The following MMP21 variants were observed in gnomAD, a reference collection of about 807,000 sequenced individuals.
MMP21 encodes matrix metalloproteinase-21.
A neutral mutation model predicts 47.8 loss-of-function variants in MMP21; 40 were observed. The ratio of observed to expected loss-of-function variants is 0.84; its 90% CI spans 0.65 to 1.09. The LOEUF (loss-of-function observed/expected upper bound fraction) is 1.09, where lower values mean the gene tolerates loss of function less well. MMP21 is among the 50% of genes least tolerant of loss of function. The pLI is 0.00. For synonymous variants in MMP21, 341 were observed against 318.0 expected (o/e 1.07, Z -0.77); for missense variants, 747 against 775.3 (o/e 0.96, Z 0.43).
Position 125,766,664 on chromosome 10 carries a change from A to G in MMP21, c.1708T>C (p.Ter570GlnextTer1). Residue 570 changes from the stop codon to glutamine (Q), a stop_lost, in exon 7 of 7, where the codon TAA becomes CAA. Coordinates refer to ENST00000368808, the MANE Select transcript of MMP21 (RefSeq NM_147191.1). ...CCTCCATTTCCTACTTTTTCTTATTACATGTTCAGTGTGGAGATATGGACG... is the reference window on the plus strand; with the variant it reads ...CCTCCATTTCCTACTTTTTCTTATTGCATGTTCAGTGTGGAGATATGGACG... ...CDVHISTLNM[*>Q] 1 of 1,590,966 alleles carries G rather than the reference A, an allele frequency of 6.3e-7. No individual in the cohort carries two copies. The highest frequency in any genetic ancestry group is 1.4e-5 in the African/African-American group (1 of 73,692).
At chr10:125,774,784 C>T (rs1850497694) in intron 1 of MMP21, among the ~76,000 whole-genome samples, 5 of 152,080 alleles carry the variant, frequency 3.3e-5, no homozygotes, top group African/African-American at 1.2e-4. Context: ...GCAGGTCGCG[C>T]AGGGCAGGTC....
At position 125,772,459 on chromosome 10, in the gene MMP21, A is replaced by C; in HGVS notation, c.838-100T>G. The C allele has an allele frequency of 6.3e-7, 1 of 1,575,412 alleles. No homozygotes were observed. Among genetic ancestry groups the C allele is most frequent in the Non-Finnish European group, 8.7e-7 (1 of 1,153,336 alleles). On this transcript the variant is annotated intron_variant, in intron 3 of 6. Coordinates refer to ENST00000368808, the MANE Select transcript of MMP21 (RefSeq NM_147191.1). This position sits in a 1 kb window ranked among gnomAD's most constrained non-coding sequence, Gnocchi z 5.6. ...TGCTTCGAGAGGAGCGTTGCTTGTG[A>C]AGAGGGGAGCACCGGTGGAACTGGG...
At position 125,772,043 on chromosome 10, in the gene MMP21, T is replaced by A. The variant is rs1481735997; in HGVS notation, c.979+175A>T. On this transcript the variant is annotated intron_variant, in intron 4 of 6. Transcript: ENST00000368808. This position sits in a 1 kb window ranked among gnomAD's most constrained non-coding sequence, Gnocchi z 5.6. ...GGCTGTCGACTGGGCAAAACCACTTTTTAACTGAGAGAATGGCATCAGGGA... is the reference window on the plus strand; with the variant it reads ...GGCTGTCGACTGGGCAAAACCACTTATTAACTGAGAGAATGGCATCAGGGA... Among the ~76,000 whole-genome samples the A allele has an allele frequency of 6.6e-6, 1 of 152,146 alleles. No individual in the cohort carries two copies. The highest frequency in any genetic ancestry group is 2.4e-5 in the African/African-American group (1 of 41,436).
In MMP21 at chr10:125,774,364, C is replaced by G; in HGVS notation, c.164G>C (p.Arg55Pro). 1 of 1,354,132 alleles carries G rather than the reference C, an allele frequency of 7.4e-7. No homozygotes were observed. The highest frequency in any genetic ancestry group is 9.5e-7 in the Non-Finnish European group (1 of 1,056,602). 83.9% of individuals were successfully genotyped at this position (1,354,132 alleles called of 1,614,324 possible). A position where few individuals can be genotyped will look rare whatever the true frequency, so the allele number is the denominator to read the frequency against. ...KPIADLHAAQ[R>P]FLSRYGWSGV... ...TGACCAGCCGTATCTGGACAGGAAC[C>G]GCTGTGGGAGAGAAAGGCACCCTAA... Residue 55 changes from arginine to proline, a missense_variant and splice_region_variant, in exon 2 of 7, where the codon CGG becomes CCG. Coordinates refer to ENST00000368808, the MANE Select transcript of MMP21 (RefSeq NM_147191.1).
In MMP21 at chr10:125,770,370, A is replaced by T; in HGVS notation, c.1201T>A (p.Trp401Arg). The change falls in exon 5 of 7, where the codon TGG becomes AGG. Residue 401 changes from tryptophan to arginine, a missense_variant. By Grantham distance (101) the Trp-to-Arg change is moderately radical (BLOSUM62 -3). Transcript: ENST00000368808. ...TAACGTTCATCTCTTTTCCATGTCC[A>T]GATGTGAACAAAGGCATCTATGTTG... Reference protein sequence around the residue: ...THNIDAFVHIWTWKRDERYFF... With the variant: ...THNIDAFVHIRTWKRDERYFF... The T allele has an allele frequency of 6.2e-7, 1 of 1,614,200 alleles. No individual in the cohort carries two copies. Among genetic ancestry groups the T allele is most frequent in the South Asian group, 1.1e-5 (1 of 91,082 alleles).
chr10:125,772,557 C>T lies in MMP21; in HGVS notation c.837+54G>A, dbSNP rs954384492. 54 of 1,609,268 alleles carry T rather than the reference C, an allele frequency of 3.4e-5. No homozygotes were observed. Among genetic ancestry groups the T allele is most frequent in the Non-Finnish European group, 4.5e-5 (53 of 1,175,918 alleles). On this transcript the variant is annotated intron_variant, in intron 3 of 6. Transcript: ENST00000368808. The surrounding 1 kb of genome is among the most constrained non-coding windows in gnomAD (Gnocchi z 5.6). ...AGAAAAGCTTGGACTTTTTGGACGTCAGCCCATGAGCACTGCTGGTGTCTT... is the reference window on the plus strand; with the variant it reads ...AGAAAAGCTTGGACTTTTTGGACGTTAGCCCATGAGCACTGCTGGTGTCTT...
In MMP21 at chr10:125,772,754, G is replaced by A. The variant is rs746401744; in HGVS notation, c.698-4C>T. 6.8e-6 allele frequency: 11 copies of A among 1,611,844 alleles called. No individual in the cohort carries two copies. The highest frequency in any genetic ancestry group is 1.1e-5 in the South Asian group (1 of 91,020). ...CGCGGACAGCCCAGGTGCCGGCCTGGCGAGGGGGAGGAGGAGTTGGTCCCG... is the reference window on the plus strand; with the variant it reads ...CGCGGACAGCCCAGGTGCCGGCCTGACGAGGGGGAGGAGGAGTTGGTCCCG... On this transcript the variant is annotated splice_region_variant and splice_polypyrimidine_tract_variant and intron_variant, in intron 2 of 6. Coordinates refer to ENST00000368808, the MANE Select transcript of MMP21 (RefSeq NM_147191.1). This position sits in a 1 kb window ranked among gnomAD's most constrained non-coding sequence, Gnocchi z 5.6.
rs765060433 is a variant in MMP21, at chr10:125,766,870, T to A, written c.1502A>T (p.His501Leu). The change falls in exon 7 of 7, where the codon CAT becomes CTT. Residue 501 changes from histidine to leucine, a missense_variant. Transcript: ENST00000368808. ...AGCGGAATCTATATTTCTGAAAGGA[T>A]GATTTTGTGGTATTACTGCTGGAAA... ...EVFPAVIPQN[H>L]PFRNIDSAYY... 2 of 1,613,672 alleles carry A rather than the reference T, an allele frequency of 1.2e-6. No individual in the cohort carries two copies. Among genetic ancestry groups the A allele is most frequent in the Non-Finnish European group, 1.7e-6 (2 of 1,179,836 alleles).
chr10:125,775,137 C>G (rs933647745), intron 1 of MMP21, among the ~76,000 whole-genome samples: 1 of 152,174 alleles, frequency 6.6e-6, no homozygotes, highest in Non-Finnish European at 1.5e-5. Context: ...TGGGTCCACT[C>G]CCTGCCCGCC....
chr10:125,775,520 C>A, intron 1 of MMP21, 140 bp downstream of exon 1: 1 of 1,095,684 alleles, frequency 9.1e-7, no homozygotes, highest in Non-Finnish European at 1.2e-6. Context: ...AGCCACTCCT[C>A]CCTCTCAGCC....
At chr10:125,769,014 T>C (rs527697275) in intron 5 of MMP21, among the ~76,000 whole-genome samples, 5 of 152,236 alleles carry the variant, frequency 3.3e-5, no homozygotes, top group African/African-American at 4.8e-5. Context: ...TAAGTCTTTT[T>C]GAGCAATTTA....
chr10:125,767,354 C>G (rs999504972), intron 6 of MMP21, among the ~76,000 whole-genome samples, 178 bp downstream of exon 6: 1 of 152,222 alleles, frequency 6.6e-6, no homozygotes, highest in Non-Finnish European at 1.5e-5. Context: ...GTTGCCCAGA[C>G]TGGTCTCAAA....
chr10:125,766,582 A>G lies in MMP21; in HGVS notation c.*80T>C, dbSNP rs1850388006. ...TTACAGTGCCATATTTTCTTCAGCT[A>G]CTGAAAATCCGGTTTTCTTTGTAAA... On this transcript the variant is annotated 3_prime_UTR_variant, in exon 7 of 7. Coordinates refer to ENST00000368808, the MANE Select transcript of MMP21 (RefSeq NM_147191.1). 2 of 1,215,884 alleles carry G rather than the reference A, an allele frequency of 1.6e-6. No individual in the cohort carries two copies. The highest frequency in any genetic ancestry group is 4.9e-5 in the East Asian group (2 of 41,110). The allele number at this position is 1,215,884 out of a possible 1,614,324, so 75.3% of individuals were successfully genotyped here.
intron 1 of MMP21, among the ~76,000 whole-genome samples, chr10:125,774,780 C>T (rs1488219816): frequency 6.6e-6 from 1 of 152,052 alleles, no homozygotes; most frequent in Non-Finnish European, 1.5e-5. Flanking sequence ...CGGGGCAGGT[C>T]GCGCAGGGCA....
chr10:125,773,886 G>T lies in MMP21; in HGVS notation c.642C>A (p.Arg214=). ...CGGCCCCGGGGGCGGCCAGGTCCTC[G>T]CGGAAGTCCAGCGGCGTCACCTCGC... The part of the protein sequence containing the change: ...MWSEVTPLDF[R]EDLAAPGAAV... Residue 214 remains arginine, a synonymous_variant, in exon 2 of 7, where the codon CGC becomes CGA. Coordinates refer to ENST00000368808, the MANE Select transcript of MMP21 (RefSeq NM_147191.1). This position sits in a 1 kb window ranked among gnomAD's most constrained non-coding sequence, Gnocchi z 4.8. The T allele has an allele frequency of 6.3e-7, 1 of 1,578,622 alleles. No individual in the cohort carries two copies. The highest frequency in any genetic ancestry group is 8.6e-7 in the Non-Finnish European group (1 of 1,169,488).
rs776035997 is a variant in MMP21 at position 125,775,744 on chromosome 10, ACT to A, written c.76_77del (p.Phe28ProfsTer229). ...CCGAGCGGTCCCGGCTGTGGAAGAGACTCTCGGGCTGGGTGGGCCAGGGAGCA... is the reference window on the plus strand; with the variant it reads ...CCGAGCGGTCCCGGCTGTGGAAGAGACTCGGGCTGGGTGGGCCAGGGAGCA... The part of the protein sequence containing the change: ...LAAPWPTQPE[S>X]LFHSRDRSDL... On this transcript the variant is annotated frameshift_variant, in exon 1 of 7. Coordinates refer to ENST00000368808, the MANE Select transcript of MMP21 (RefSeq NM_147191.1). LOFTEE classifies it high-confidence loss of function. 4 of 1,612,672 alleles carry A rather than the reference ACT, an allele frequency of 2.5e-6. No individual in the cohort carries two copies. The highest frequency in any genetic ancestry group is 2.2e-5 in the East Asian group (1 of 44,748).
intron 5 of MMP21, among the ~76,000 whole-genome samples, chr10:125,768,933 C>A (rs1446230077): frequency 6.6e-6 from 1 of 152,038 alleles, no homozygotes; most frequent in Non-Finnish European, 1.5e-5. Flanking sequence ...AAAACTGAGA[C>A]CAGATTTATA....
intron 5 of MMP21, among the ~76,000 whole-genome samples, chr10:125,769,814 G>A (rs2133781628): frequency 6.6e-6 from 1 of 152,268 alleles, no homozygotes; most frequent in African/African-American, 2.4e-5. Context: ...TTAGTACCTA[G>A]GAAAGTTCAT....
chr10:125,768,819 T>C (rs1241383886), intron 5 of MMP21, among the ~76,000 whole-genome samples: 1 of 152,238 alleles, frequency 6.6e-6, no homozygotes, highest in Admixed American at 6.5e-5. Context: ...CTTAAAACCC[T>C]GAAAGATGTG....
Sources: gnomAD v4.1 joint callset for allele counts (sites outside exome capture counted in the v4.1 genomes callset) on GRCh38, gnomAD v4.1.1 for gene constraint, Gnocchi (gnomAD v3.1) non-coding constraint, MANE v1.5 for transcripts, NCBI Gene and HGNC (gene_info 2026-07-23, HGNC 2026-07-21) for gene names.